Variants in IKBKG observed in about 807,000 individuals in gnomAD.
The protein encoded by IKBKG is inhibitor of nuclear factor kappa B kinase regulatory subunit gamma, also known as NF-kappa-B essential modulator.
Under a neutral mutation model 13.7 loss-of-function variants are expected in IKBKG, and 2 were observed. That is an observed-to-expected ratio of 0.15 (90% CI 0.06 to 0.46). The LOEUF (loss-of-function observed/expected upper bound fraction) is 0.46. Ranked by LOEUF, IKBKG falls within the 20% of genes least tolerant of loss-of-function variation. The pLI is 0.98. For synonymous variants in IKBKG, 22 were observed against 64.4 expected, an observed-to-expected ratio of 0.34 and a Z score of 3.15; for missense variants, 53 against 150.3, an observed-to-expected ratio of 0.35 and a Z score of 3.39.
chrX:154,547,007 G>GC (rs2070753032), upstream of IKBKG: 2 of 221,407 alleles, frequency 9.0e-6, no homozygotes, highest in Non-Finnish European at 1.6e-5. Context: ...TCCCAGGCCA[G>GC]CCCCTGCCTC....
At chrX:154,547,594 C>T, upstream of IKBKG, 1 of 755,164 alleles carries the variant, frequency 1.3e-6, no homozygotes, top group Non-Finnish European at 1.6e-6. Flanking sequence ...TGTGTTTTTA[C>T]TTCCGGATCC....
chrX:154,553,497 A>G (rs2070989740), intron 2 of IKBKG, among the ~76,000 whole-genome samples: 1 of 112,556 alleles, frequency 8.9e-6, no homozygotes, highest in Admixed American at 9.4e-5. Context: ...GGAAGGGGTC[A>G]GTGCAGTCAG....
At chrX:154,548,173 A>G (rs1557234188) in intron 1 of IKBKG, 1 of 669,394 alleles carries the variant, frequency 1.5e-6, no homozygotes, top group Admixed American at 8.7e-5. Flanking sequence ...CTGAGAATGA[A>G]TGGGCTCTCC....
upstream of IKBKG, among the ~76,000 whole-genome samples, chrX:154,545,130 C>G (rs781797312): frequency 9.0e-6 from 1 of 111,311 alleles, no homozygotes; most frequent in Non-Finnish European, 1.9e-5. Context: ...TAGTCTCGGG[C>G]GATGGCTGTC....
At chrX:154,548,047 G>T (rs1445671765) in intron 1 of IKBKG, 2 of 753,861 alleles carry the variant, frequency 2.7e-6, no homozygotes, top group Admixed American at 1.7e-4. Context: ...TATCGAGGTC[G>T]TTAAATTCTT....
chrX:154,552,578 G>A (rs1369612651), intron 2 of IKBKG, among the ~76,000 whole-genome samples: 3 of 109,432 alleles, frequency 2.7e-5, no homozygotes, highest in Non-Finnish European at 5.7e-5. Flanking sequence ...GGGCAGAGTC[G>A]GCGCTGGGAA....
exon 2 of IKBKG, chrX:154,542,353 T>C (rs1557232137): frequency 1.7e-6 from 2 of 1,204,841 alleles, no homozygotes; most frequent in Non-Finnish European, 2.2e-6. Flanking sequence ...CCTCACTCCC[T>C]GTGAAGCTCT....
upstream of IKBKG, chrX:154,545,919 G>C (rs890122382): frequency 1.1e-6 from 1 of 925,329 alleles, no homozygotes; most frequent in Non-Finnish European, 1.5e-6. Context: ...TAGCAGGAGC[G>C]GGAGGAGGAG....
chrX:154,545,783 C>T (rs7064060), upstream of IKBKG: 1,108 of 327,941 alleles, frequency 3.4e-3, 15 homozygotes, highest in African/African-American at 0.03. Context: ...TGCAGTGAGC[C>T]AAGATGGCGC....
chrX:154,546,197 G>C, upstream of IKBKG: 1 of 1,208,259 alleles, frequency 8.3e-7, no homozygotes, highest in Non-Finnish European at 1.1e-6. Context: ...CAAGGCAGAA[G>C]AACAGGAGAG....
At chrX:154,546,899 T>A, upstream of IKBKG, 1 of 884,090 alleles carries the variant, frequency 1.1e-6, no homozygotes, top group Non-Finnish European at 1.5e-6. Flanking sequence ...GGCGGGCGCC[T>A]GGGCTGAGCG....
chrX:154,546,048 G>A, upstream of IKBKG: 1 of 1,210,952 alleles, frequency 8.3e-7, no homozygotes, highest in South Asian at 1.8e-5. Flanking sequence ...ATGCACCCAT[G>A]ATGATGAATA....
At chrX:154,555,568 C>T (rs1183727647) in intron 2 of IKBKG, among the ~76,000 whole-genome samples, 1 of 112,304 alleles carries the variant, frequency 8.9e-6, no homozygotes, top group Non-Finnish European at 1.9e-5. Context: ...AAAAAAGTGG[C>T]ATTTAACACA....
At chrX:154,553,088 G>A (rs782793809) in intron 2 of IKBKG, among the ~76,000 whole-genome samples, 1 of 112,610 alleles carries the variant, frequency 8.9e-6, no homozygotes, top group South Asian at 3.6e-4. Flanking sequence ...GGCTCACTGG[G>A]TGTGGTGGGG....
chrX:154,542,270 C>T, intron 1 of IKBKG: 2 of 1,139,927 alleles, frequency 1.8e-6, no homozygotes, highest in Non-Finnish European at 2.4e-6. Context: ...GCCCATGGCC[C>T]TTGTGATCCA....
At chrX:154,549,528 C>G (rs2070869261) in intron 1 of IKBKG, among the ~76,000 whole-genome samples, 1 of 110,245 alleles carries the variant, frequency 9.1e-6, no homozygotes, top group African/African-American at 3.3e-5. Context: ...GATCCACTTG[C>G]CATGACCTCC....
At chrX:154,563,135 T>C (rs1288744240) in intron 7 of IKBKG, among the ~76,000 whole-genome samples, 182 bp downstream of exon 7, 1 of 47,271 alleles carries the variant, frequency 2.1e-5, no homozygotes, top group African/African-American at 1.5e-4. Context: ...TTCAAACAAT[T>C]CTCTTGCCTC....
In IKBKG at chrX:154,547,677, C is replaced by T. The variant is rs956269153; in HGVS notation, c.-84C>T. ...GCGAAACTGGGACTTTCTCGGAGCG[C>T]CGGGGCCCTACCAGCGTTCACAGTC... On this transcript the variant is annotated 5_prime_UTR_variant, in exon 1 of 10. Coordinates refer to ENST00000594239, the MANE Select transcript of IKBKG (RefSeq NM_001099857.5). The T allele has an allele frequency of 4.1e-5, 31 of 755,158 alleles. No individual in the cohort carries two copies. The highest frequency in any genetic ancestry group is 4.5e-5 in the Non-Finnish European group (29 of 639,512). 62.2% of individuals were successfully genotyped at this position (755,158 alleles called of 1,213,427 possible).
upstream of IKBKG, chrX:154,546,837 G>C (rs781784247): frequency 4.4e-6 from 5 of 1,143,929 alleles, no homozygotes; most frequent in Admixed American, 2.6e-5. Context: ...CGAAGTGTAC[G>C]ACCGTTTCCG....
Sources: allele counts gnomAD v4.1 joint callset (sites outside exome capture counted in the v4.1 genomes callset), GRCh38; gene constraint gnomAD v4.1.1; transcripts MANE v1.5; gene names NCBI Gene and HGNC (gene_info 2026-07-23, HGNC 2026-07-21).